TTN: variants seen among roughly 807,000 people sequenced by gnomAD.
TTN encodes the protein connectin.
TTN carries 1,525 observed loss-of-function variants against 3,223.0 expected under a neutral mutation model. The ratio of observed to expected loss-of-function variants is 0.47; its 90% CI spans 0.45 to 0.49. The LOEUF is 0.49. Among genes scored for constraint, TTN ranks in the 20% least tolerant of loss-of-function variants. The pLI is 0.00. For synonymous variants in TTN, 14,094 were observed against 15,161.0 expected, an observed-to-expected ratio of 0.93 and a Z score of 5.17; for missense variants, 40,786 against 43,424.0, an observed-to-expected ratio of 0.94 and a Z score of 5.40.
chr2:178,761,539 A>G (rs908296672), intron 43 of TTN, among the ~76,000 whole-genome samples: 3 of 152,164 alleles, frequency 2.0e-5, no homozygotes, highest in African/African-American at 7.2e-5. Context: ...TTTTCTCATC[A>G]TAGGATGCCA....
chr2:178,644,699 C>T, intron 217 of TTN, 83 bp from the exon 218 acceptor site: 3 of 1,086,554 alleles, frequency 2.8e-6, no homozygotes, highest in Middle Eastern at 5.3e-4. Context: ...AGAATCAAAA[C>T]CAAGCTTTGC....
At position 178,747,231 on chromosome 2, in the gene TTN, C is replaced by A. The variant is rs727503665; in HGVS notation, c.11312-5310G>T. The A allele has an allele frequency of 1.2e-6, 2 of 1,612,624 alleles. No individual in the cohort carries two copies. The highest frequency in any genetic ancestry group is 2.7e-5 in the African/African-American group (2 of 74,756). On this transcript the variant is annotated intron_variant, in intron 47 of 362. Coordinates refer to ENST00000589042, the MANE Select transcript of TTN (RefSeq NM_001267550.2). ...GGTGTGGAGTATCTCTCTAGTGTCT[C>A]CCCTGGGGGTGTGGAGTATCTTTCT...
intron 241 of TTN, 71 bp from the exon 242 acceptor site, chr2:178,624,802 T>G (rs900976203): frequency 6.5e-7 from 1 of 1,548,292 alleles, no homozygotes. Context: ...TTCTCAACTT[T>G]CCCCTGCCAT....
At chr2:178,706,350 T>A in intron 102 of TTN, 104 bp downstream of exon 102, 1 of 1,264,746 alleles carries the variant, frequency 7.9e-7, no homozygotes, top group Non-Finnish European at 1.1e-6. Context: ...TATTTTTAAA[T>A]TTTTTGTTCT....
chr2:178,649,886 C>G lies in TTN; in HGVS notation c.39826G>C (p.Glu13276Gln), dbSNP rs1410973715. 1 of 1,606,126 alleles carries G rather than the reference C, an allele frequency of 6.2e-7. No homozygotes were observed. Among genetic ancestry groups the G allele is most frequent in the Non-Finnish European group, 8.5e-7 (1 of 1,178,112 alleles). The part of the protein sequence containing the change: ...PEVPPPAVPE[E>Q]PKKIIPEKKV... ...TTCTCTGGGATGATCTTCTTGGGCT[C>G]TTCAGGCACTTGAATAATAGGAATT... Residue 13276 changes from glutamate to glutamine, a missense_variant, in exon 211 of 363, where the codon GAG (glutamate) becomes CAG (glutamine). Coordinates refer to ENST00000589042, the MANE Select transcript of TTN (RefSeq NM_001267550.2).
intron 294 of TTN, among the ~76,000 whole-genome samples, 186 bp downstream of exon 294, chr2:178,597,352 A>G (rs2051976390): frequency 6.6e-6 from 1 of 152,102 alleles, no homozygotes; most frequent in African/African-American, 2.4e-5. Context: ...CACCCACCAT[A>G]CAGAATACAC....
At position 178,531,552 on chromosome 2, in the gene TTN, G is replaced by A. The variant is rs757125254; in HGVS notation, c.105063C>T (p.Gly35021=). 8 of 1,613,736 alleles carry A rather than the reference G, an allele frequency of 5.0e-6. No individual in the cohort carries two copies. Among genetic ancestry groups the A allele is most frequent in the Middle Eastern group, 1.6e-4 (1 of 6,082 alleles). The change falls in exon 358 of 363, where the codon GGC becomes GGT. Residue 35021 remains glycine (G), a synonymous_variant. Transcript: ENST00000589042. ...CCAACGTTGCATAGTCAGAAGCTTC[G>A]CCCTTGTAGTTGGTGCACACAGCAC... ...TYRAVCTNYK[G]EASDYATLDV... is the part of the protein sequence containing the mutation.
rs1420659953 is a variant in TTN at position 178,766,504 on chromosome 2, G to C, written c.9580C>G (p.His3194Asp). ...ATTCTTCTTTCCACTACATATTTGT[G>C]TCGTTCTTGAACTTGGAAATTGATT... The part of the protein sequence containing the change: ...IEINFQVQER[H>D]KYVVERRIHR... Residue 3194 changes from histidine (H) to aspartate (D), a missense_variant, in exon 41 of 363, where the codon CAC becomes GAC. His to Asp is a moderately conservative substitution (Grantham distance 81). Transcript: ENST00000589042. 1 of 1,614,040 alleles carries C rather than the reference G, an allele frequency of 6.2e-7. No individual in the cohort carries two copies. Among genetic ancestry groups the C allele is most frequent in the South Asian group, 1.1e-5 (1 of 91,072 alleles).
At chr2:178,781,377 A>C in intron 20 of TTN, 114 bp from the exon 21 acceptor site, 1 of 1,192,548 alleles carries the variant, frequency 8.4e-7, no homozygotes, top group South Asian at 1.3e-5. Flanking sequence ...GACCCTAAAC[A>C]TATGACTAAG....
Position 178,541,486 on chromosome 2 carries a change from C to T in TTN, c.97591G>A (p.Val32531Met). The T allele has an allele frequency of 1.2e-6, 2 of 1,613,444 alleles. No homozygotes were observed. The highest frequency in any genetic ancestry group is 1.7e-6 in the Non-Finnish European group (2 of 1,179,588). ...TTGCGCTCCACAATATATCCAGTCACTTGGGAGCCACCGTCATCCTCTGGT... is the reference window on the plus strand; with the variant it reads ...TTGCGCTCCACAATATATCCAGTCATTTGGGAGCCACCGTCATCCTCTGGT... ...YPPEDDGGSQ[V>M]TGYIVERKEV... Residue 32531 changes from valine to methionine, a missense_variant, in exon 350 of 363, where the codon GTG (valine) becomes ATG (methionine). Transcript: ENST00000589042.
At position 178,575,902 on chromosome 2, in the gene TTN, G is replaced by A. The variant is rs370698218; in HGVS notation, c.70230C>T (p.Thr23410=). The change falls in exon 326 of 363, where the codon ACC becomes ACT. Residue 23410 remains threonine (T), a synonymous_variant. Transcript: ENST00000589042. This position sits in a 1 kb window ranked among gnomAD's most constrained non-coding sequence, Gnocchi z 4.0. ...LIIPECNRYD[T]GKFVMTIENP... ...TTTCAATGGTCATGACAAATTTACC[G>A]GTATCATATCTGTTACATTCTGGGA... The A allele has an allele frequency of 3.1e-6, 5 of 1,613,482 alleles. No homozygotes were observed. The highest frequency in any genetic ancestry group is 2.2e-5 in the South Asian group (2 of 91,058).
Position 178,685,330 on chromosome 2 carries a change from A to T in TTN, c.32393T>A (p.Val10798Glu). The T allele has an allele frequency of 6.5e-7, 1 of 1,549,442 alleles. No homozygotes were observed. Among genetic ancestry groups the T allele is most frequent in the Non-Finnish European group, 8.7e-7 (1 of 1,146,144 alleles). ...AATTTTCTTCTCCTGCCTCTCTGTC[A>T]CTTGAAAAGATTATAAAATATGTTT... Reference protein sequence around the residue: ...SKRVEAEPAEVTERQEKKIVL... With the variant: ...SKRVEAEPAEETERQEKKIVL... Residue 10798 changes from valine to glutamate, a missense_variant and splice_region_variant, in exon 129 of 363, where the codon GTG becomes GAG. Transcript: ENST00000589042.
chr2:178,764,929 T>C, intron 41 of TTN, 118 bp from the exon 42 acceptor site: 2 of 1,177,972 alleles, frequency 1.7e-6, no homozygotes, highest in Non-Finnish European at 2.4e-6. Flanking sequence ...AATTTTGGAA[T>C]TGTGGTATTT....
rs747557917 is a variant in TTN, at chr2:178,609,688, G to A, written c.51735C>T (p.Pro17245=). Reference sequence around the variant, plus strand: ...ACTCCATGAAACAAAACTTACCAATGGGATCTACAGCTTTGGTTGGAGGAG... The same window carrying A: ...ACTCCATGAAACAAAACTTACCAATAGGATCTACAGCTTTGGTTGGAGGAG... ...RATPPTKAVD[P]IDAPKVILRT... Residue 17245 remains proline (P), a synonymous_variant, in exon 272 of 363, where the codon CCC becomes CCT. Transcript: ENST00000589042. The A allele has an allele frequency of 5.1e-6, 8 of 1,576,230 alleles. No individual in the cohort carries two copies. In the African/African-American group the frequency reaches 1.1e-4, roughly 21 times the overall value.
Position 178,729,387 on chromosome 2 carries a change from G to A in TTN, c.18769C>T (p.His6257Tyr). 6.2e-7 allele frequency: 1 copy of A among 1,613,618 alleles called. No individual in the cohort carries two copies. ...TCTGAAGGGTCACACTTGGTTATAT[G>A]GAGGTTAAACACAGACACTCTGTCG... ...LTDRVSVFNLHITKCDPSDTG... is the reference protein window; with the variant it reads ...LTDRVSVFNLYITKCDPSDTG... The change falls in exon 64 of 363, where the codon CAT (histidine) becomes TAT (tyrosine). Residue 6257 changes from histidine (H) to tyrosine (Y), a missense_variant. Physicochemically the swap from His to Tyr is moderately conservative, Grantham distance 83. Transcript: ENST00000589042.
At chr2:178,579,420 G>A (rs551385001) in intron 319 of TTN, 27 bp from the exon 320 acceptor site, 64 of 1,553,840 alleles carry the variant, frequency 4.1e-5, no homozygotes, top group South Asian at 2.0e-4. Flanking sequence ...ATAAATTACT[G>A]TTATTTTTAA....
rs1177138515 is a variant in TTN at position 178,735,712 on chromosome 2, C to A, written c.14734G>T (p.Asp4912Tyr). 7 of 1,613,802 alleles carry A rather than the reference C, an allele frequency of 4.3e-6. No homozygotes were observed. Among genetic ancestry groups the A allele is most frequent in the Non-Finnish European group, 5.9e-6 (7 of 1,179,802 alleles). ...NKKVHLECQVDEDRKVTVTWS... is the reference protein window; with the variant it reads ...NKKVHLECQVYEDRKVTVTWS... The stretch of plus-strand genomic sequence containing the variant: ...GTAACTGTGACTTTTCTGTCTTCAT[C>A]TACTTGGCACTCAAGGTGGACCTTC... Residue 4912 changes from aspartate (D) to tyrosine (Y), a missense_variant, in exon 50 of 363, where the codon GAT becomes TAT. By Grantham distance (160) the Asp-to-Tyr change is radical. Transcript: ENST00000589042.
rs1025343901 is a variant in TTN, at chr2:178,799,389, C to T, written c.914+98G>A. On this transcript the variant is annotated intron_variant, in intron 6 of 362. Transcript: ENST00000589042. Reference sequence around the variant, plus strand: ...GACACTGAAGAAGCGAACCACTCTCCGCGTCGCATGCCCTGCGAGGGGGAC... The same window carrying T: ...GACACTGAAGAAGCGAACCACTCTCTGCGTCGCATGCCCTGCGAGGGGGAC... 5.7e-6 allele frequency: 9 copies of T among 1,585,506 alleles called. No individual in the cohort carries two copies. The East Asian group carries it at 9.0e-5, about 16-fold the overall frequency.
intron 47 of TTN, chr2:178,744,419 C>T (rs574304017): frequency 1.2e-5 from 12 of 980,502 alleles, no homozygotes; most frequent in East Asian, 1.1e-4. Context: ...TTATATTTGT[C>T]GAGTCTTATA....
Sources: allele counts gnomAD v4.1 joint callset (sites outside exome capture counted in the v4.1 genomes callset), GRCh38; gene constraint gnomAD v4.1.1; non-coding constraint Gnocchi (gnomAD v3.1); transcripts MANE v1.5; gene names NCBI Gene and HGNC (gene_info 2026-07-23, HGNC 2026-07-21).